The following ASIC2 variants were observed in gnomAD, a reference collection of about 807,000 sequenced individuals.
ASIC2 encodes acid sensing ion channel subunit 2.
Under a neutral mutation model 57.3 loss-of-function variants are expected in ASIC2, and 25 were observed. The ratio of observed to expected loss-of-function variants is 0.44; its 90% CI spans 0.32 to 0.61. The LOEUF (loss-of-function observed/expected upper bound fraction) is 0.61, where lower values mean the gene tolerates loss of function less well. Ranked by LOEUF, ASIC2 falls within the 20% of genes least tolerant of loss-of-function variation. The pLI is 0.06. For synonymous variants in ASIC2, 319 were observed against 307.5 expected (o/e 1.04, Z -0.39); for missense variants, 641 against 738.1 (o/e 0.87, Z 1.52).
chr17:33,352,318 TC>T (rs779838315), intron 1 of ASIC2, among the ~76,000 whole-genome samples: 8 of 152,068 alleles, frequency 5.3e-5, no homozygotes, highest in Non-Finnish European at 1.0e-4. Context: ...GGCACAATAG[TC>T]CAGATATCTC....
intron 1 of ASIC2, among the ~76,000 whole-genome samples, chr17:34,085,976 T>C (rs1178280448): frequency 2.0e-5 from 3 of 151,920 alleles, no homozygotes; most frequent in Non-Finnish European, 4.4e-5. Flanking sequence ...TTGTTGATCC[T>C]TTCAAAAAAC....
At chr17:33,166,392 G>A (rs1022227600) in intron 1 of ASIC2, among the ~76,000 whole-genome samples, 2 of 152,172 alleles carry the variant, frequency 1.3e-5, no homozygotes, top group Non-Finnish European at 2.9e-5. Context: ...GAGACAATAA[G>A]CATAAAGTTG....
intron 1 of ASIC2, among the ~76,000 whole-genome samples, chr17:34,072,938 T>G (rs1309106721): frequency 6.6e-6 from 1 of 152,150 alleles, no homozygotes; most frequent in African/African-American, 2.4e-5. Flanking sequence ...ATTTTGTAAT[T>G]TCAAAGAGAG....
At chr17:33,135,603 C>A (rs917412975) in intron 1 of ASIC2, among the ~76,000 whole-genome samples, 1 of 152,130 alleles carries the variant, frequency 6.6e-6, no homozygotes, top group African/African-American at 2.4e-5. Flanking sequence ...TGGGAAGGGG[C>A]AAAGATGGAG....
intron 1 of ASIC2, among the ~76,000 whole-genome samples, chr17:34,095,661 A>ATATATATATATATATATATAATTT (rs1567818967): frequency 1.0e-4 from 10 of 100,128 alleles, no homozygotes; most frequent in East Asian, 4.7e-4. Flanking sequence ...ATATAATTTT[A>ATATATATATATATATATATAATTT]TATATATATA....
intron 1 of ASIC2, among the ~76,000 whole-genome samples, chr17:33,600,217 C>T (rs184102358): frequency 1.2e-3 from 179 of 152,300 alleles, no homozygotes; most frequent in African/African-American, 3.8e-3. Flanking sequence ...GTGTTGGAAA[C>T]GTAATTATTG....
chr17:33,405,453 C>A (rs1910435486), intron 1 of ASIC2, among the ~76,000 whole-genome samples: 1 of 147,986 alleles, frequency 6.8e-6, no homozygotes, highest in South Asian at 2.1e-4. Flanking sequence ...TTAGAGATAG[C>A]ACTCCTTTCT....
chr17:33,698,231 G>T (rs902070903), intron 1 of ASIC2, among the ~76,000 whole-genome samples: 8 of 152,146 alleles, frequency 5.3e-5, no homozygotes, highest in Non-Finnish European at 1.2e-4. Context: ...TAGCGGTTAA[G>T]TGTGGATACA....
intron 1 of ASIC2, among the ~76,000 whole-genome samples, chr17:33,482,435 G>A (rs1245052287): frequency 6.6e-6 from 1 of 152,194 alleles, no homozygotes. Context: ...CTGCTAACCA[G>A]GCCTAATCTT....
chr17:33,809,657 C>T (rs1338480070), intron 1 of ASIC2, among the ~76,000 whole-genome samples: 1 of 152,180 alleles, frequency 6.6e-6, no homozygotes, highest in Non-Finnish European at 1.5e-5. Flanking sequence ...TGACATCCCT[C>T]AGAGGTCTAT....
intron 1 of ASIC2, among the ~76,000 whole-genome samples, chr17:34,034,798 C>T (rs568244976): frequency 2.6e-5 from 4 of 152,088 alleles, no homozygotes; most frequent in African/African-American, 9.7e-5. Flanking sequence ...AGGAATCCAA[C>T]TTATAAGGGA....
Position 33,292,038 on chromosome 17 carries a change from C to G in ASIC2, c.78G>C (p.Glu26Asp). Residue 26 changes from glutamate (E) to aspartate (D), a missense_variant, in exon 1 of 10, where the codon GAG (glutamate) becomes GAC (aspartate). Transcript: ENST00000225823. ...GPGRFRMAREEPAPAALAAAG... is the reference protein window; with the variant it reads ...GPGRFRMAREDPAPAALAAAG... Reference sequence around the variant, plus strand: ...CAGCCGCCAACGCCGCGGGCGCCGGCTCCTCGCGGGCCATGCGGAAGCGTC... The same window carrying G: ...CAGCCGCCAACGCCGCGGGCGCCGGGTCCTCGCGGGCCATGCGGAAGCGTC... The G allele has an allele frequency of 8.6e-7, 1 of 1,156,084 alleles. No homozygotes were observed. The highest frequency in any genetic ancestry group is 1.1e-6 in the Non-Finnish European group (1 of 945,290). The allele number at this position is 1,156,084 out of a possible 1,614,324, so 71.6% of individuals were successfully genotyped here.
At chr17:33,958,140 T>C (rs317333) in intron 1 of ASIC2, among the ~76,000 whole-genome samples, 136,640 of 152,298 alleles carry the variant, frequency 0.9, 61,567 homozygotes, top group African/African-American at 0.98. Context: ...GGCAGCTCCA[T>C]CACTGTGGCT....
At chr17:33,200,672 C>G (rs1334983930) in intron 1 of ASIC2, among the ~76,000 whole-genome samples, 2 of 152,190 alleles carry the variant, frequency 1.3e-5, no homozygotes, top group African/African-American at 2.4e-5. Context: ...TTATCACCCC[C>G]ATTTTCACCT....
intron 1 of ASIC2, among the ~76,000 whole-genome samples, chr17:33,778,383 C>G (rs1044165530): frequency 6.6e-6 from 1 of 152,156 alleles, no homozygotes; most frequent in South Asian, 2.1e-4. Flanking sequence ...GCTTACCAGG[C>G]TTTGAGAAAC....
intron 1 of ASIC2, chr17:33,792,906 C>T (rs1209502925): frequency 1.3e-5 from 2 of 152,124 alleles, no homozygotes; most frequent in African/African-American, 4.8e-5. Flanking sequence ...TTGTTTTCTT[C>T]ACCTGTAAAA....
At chr17:34,137,899 C>T (rs370347544) in intron 1 of ASIC2, among the ~76,000 whole-genome samples, 2 of 152,118 alleles carry the variant, frequency 1.3e-5, no homozygotes, top group South Asian at 2.1e-4. Flanking sequence ...CTCCCACAGG[C>T]CCTACCTCCT....
chr17:34,053,065 C>G (rs780386903), intron 1 of ASIC2, among the ~76,000 whole-genome samples: 1 of 152,106 alleles, frequency 6.6e-6, no homozygotes, highest in African/African-American at 2.4e-5. Context: ...CTTGCTGTTC[C>G]AAGCTGCTCA....
At chr17:33,610,329 G>A (rs563918563) in intron 1 of ASIC2, among the ~76,000 whole-genome samples, 3 of 152,034 alleles carry the variant, frequency 2.0e-5, no homozygotes, top group African/African-American at 7.2e-5. Context: ...GGCTTTTTTT[G>A]TATTTATAGT....
Sources: gnomAD v4.1 joint callset for allele counts (sites outside exome capture counted in the v4.1 genomes callset) on GRCh38, gnomAD v4.1.1 for gene constraint, MANE v1.5 for transcripts, NCBI Gene and HGNC (gene_info 2026-07-23, HGNC 2026-07-21) for gene names.